The following LMTK3 variants were observed in gnomAD, a reference collection of about 807,000 sequenced individuals.
LMTK3 encodes lemur tail kinase 3.
Under a neutral mutation model 116.7 loss-of-function variants are expected in LMTK3, and 27 were observed. The observed-to-expected ratio is 0.23, with a 90% confidence interval of 0.17 to 0.32. The LOEUF is 0.32. Among genes scored for constraint, LMTK3 ranks in the 10% least tolerant of loss-of-function variants. The probability of loss-of-function intolerance (pLI) is 1.00; values close to 1 mark genes in which losing one functional copy is unlikely to be tolerated. For synonymous variants in LMTK3, 965 were observed against 971.0 expected (o/e 0.99, Z 0.11); for missense variants, 1,764 against 2,068.5 (o/e 0.85, Z 2.86).
intron 7 of LMTK3, among the ~76,000 whole-genome samples, chr19:48,501,924 T>C (rs990968739): frequency 7.2e-6 from 1 of 139,420 alleles, no homozygotes; most frequent in Non-Finnish European, 1.6e-5. Flanking sequence ...GTTCCTCTCC[T>C]GGACCCTCCT....
rs147881952 is a variant in LMTK3 at position 48,500,294 on chromosome 19, C to T, written c.1152-377G>A. ...AAAAAATTAGCCTAGCGTGGTGGCA[C>T]CTGCCTGTAATCCCAGCTACCTGGG... is the stretch of plus-strand genomic sequence containing the variant. On this transcript the variant is annotated intron_variant, in intron 10 of 14. Coordinates refer to ENST00000600059, the MANE Select transcript of LMTK3 (RefSeq NM_001388485.1). This position sits in a 1 kb window ranked among gnomAD's most constrained non-coding sequence, Gnocchi z 4.0. 7.3e-4 allele frequency among the ~76,000 whole-genome samples: 111 copies of T among 152,292 alleles called. No homozygotes were observed. The highest frequency in any genetic ancestry group is 2.4e-3 in the African/African-American group (101 of 41,560).
intron 5 of LMTK3, among the ~76,000 whole-genome samples, chr19:48,503,789 TTCTCTCTC>T (rs148406252): frequency 2.0e-5 from 3 of 149,502 alleles, no homozygotes; most frequent in South Asian, 2.1e-4. Flanking sequence ...ACCTACAGTT[TTCTCTCTC>T]TCTCTCTCTC....
Position 48,498,772 on chromosome 19 carries a change from G to C in LMTK3, c.2297C>G (p.Pro766Arg). The C allele has an allele frequency of 1.4e-6, 2 of 1,431,850 alleles. No homozygotes were observed. The highest frequency in any genetic ancestry group is 1.8e-6 in the Non-Finnish European group (2 of 1,093,812). 88.7% of individuals were successfully genotyped at this position (1,431,850 alleles called of 1,614,324 possible). A position where few individuals can be genotyped will look rare whatever the true frequency, so the allele number is the denominator to read the frequency against. ...PPPPPRAPAD[P>R]AASPDPPSAV... ...CGAAGGGGGGTCGGGGGACGCGGCCGGGTCCGCGGGGGCCCGAGGAGGTGG... is the reference window on the plus strand; with the variant it reads ...CGAAGGGGGGTCGGGGGACGCGGCCCGGTCCGCGGGGGCCCGAGGAGGTGG... The change falls in exon 11 of 15, where the codon CCG becomes CGG. Residue 766 changes from proline to arginine, a missense_variant. Physicochemically the swap from Pro to Arg is moderately radical, Grantham distance 103 (BLOSUM62 -2). Transcript: ENST00000600059.
rs765165688 is a variant in LMTK3 at position 48,510,093 on chromosome 19, C to T, written c.291G>A (p.Leu97=). Residue 97 remains leucine (L), a synonymous_variant, in exon 3 of 15, where the codon CTG becomes CTA. Transcript: ENST00000600059. ...PAEETSSSQS[L]PDVYILPLAE... ...CCAGCGGGAGAATGTAGACATCAGGCAGCGACTGTGAGGAGGAGGTCTCCT... is the reference window on the plus strand; with the variant it reads ...CCAGCGGGAGAATGTAGACATCAGGTAGCGACTGTGAGGAGGAGGTCTCCT... The T allele has an allele frequency of 3.8e-5, 62 of 1,613,968 alleles. No homozygotes were observed. Among genetic ancestry groups the T allele is most frequent in the Non-Finnish European group, 5.9e-6 (7 of 1,179,874 alleles).
In LMTK3 at chr19:48,503,010, A is replaced by G; in HGVS notation, c.558-14T>C. The G allele has an allele frequency of 6.3e-7, 1 of 1,587,526 alleles. No individual in the cohort carries two copies. The highest frequency in any genetic ancestry group is 8.6e-7 in the Non-Finnish European group (1 of 1,157,962). On this transcript the variant is annotated splice_polypyrimidine_tract_variant and intron_variant, in intron 5 of 14. Coordinates refer to ENST00000600059, the MANE Select transcript of LMTK3 (RefSeq NM_001388485.1). Reference sequence around the variant, plus strand: ...TGCTGCAGGCTCCTGTGGAGTGAGGAGGTGGCTGAGTTGGGAAGGCAGCCC... The same window carrying G: ...TGCTGCAGGCTCCTGTGGAGTGAGGGGGTGGCTGAGTTGGGAAGGCAGCCC...
Position 48,495,425 on chromosome 19 carries a change from T to A in LMTK3, c.3677-1316A>T, listed in dbSNP as rs371987097. Among the ~76,000 whole-genome samples the A allele has an allele frequency of 7.2e-5, 11 of 152,260 alleles. No homozygotes were observed. The East Asian group carries it at 1.7e-3, about 24-fold the overall frequency. ...ATTTGGGGTCTTGAAGGATGAGTAG[T>A]TCACTTGGGAAAAAGCGGGCCATTC... On this transcript the variant is annotated intron_variant, in intron 11 of 14. Transcript: ENST00000600059.
intron 5 of LMTK3, among the ~76,000 whole-genome samples, chr19:48,503,850 C>G (rs1049211358): frequency 1.3e-5 from 2 of 151,108 alleles, no homozygotes; most frequent in Admixed American, 1.3e-4. Flanking sequence ...TTCCTTCCTT[C>G]CTTCCTCCCT....
At position 48,501,936 on chromosome 19, in the gene LMTK3, C is replaced by G. The variant is rs1233511206; in HGVS notation, c.795-374G>C. On this transcript the variant is annotated intron_variant, in intron 7 of 14. Coordinates refer to ENST00000600059, the MANE Select transcript of LMTK3 (RefSeq NM_001388485.1). ...TCCGTTCCTCTCCTGGACCCTCCTC[C>G]TCTCCTGACTCCTCCCCCTCCCCTG... 2.1e-5 allele frequency among the ~76,000 whole-genome samples: 3 copies of G among 145,394 alleles called. No homozygotes were observed. In the East Asian group the frequency reaches 6.2e-4, roughly 30 times the overall value.
intron 9 of LMTK3, 29 bp from the exon 10 acceptor site, chr19:48,501,174 C>T: frequency 6.2e-7 from 1 of 1,606,256 alleles, no homozygotes. Flanking sequence ...GGTCAGAGCC[C>T]AGCCCTGACC....
chr19:48,503,530 C>T (rs1415971107), intron 5 of LMTK3, among the ~76,000 whole-genome samples: 2 of 152,042 alleles, frequency 1.3e-5, no homozygotes, highest in Admixed American at 6.6e-5. Flanking sequence ...TCATTCCTGC[C>T]CCAGACTCTT....
intron 9 of LMTK3, 25 bp downstream of exon 9, chr19:48,501,258 G>T: frequency 6.2e-7 from 1 of 1,611,268 alleles, no homozygotes; most frequent in Non-Finnish European, 8.5e-7. Context: ...GGCCTGCCTC[G>T]GCCCCCGCGG....
rs140970447 is a variant in LMTK3, at chr19:48,488,028, C to T, written c.4367-2239G>A. Among the ~76,000 whole-genome samples the T allele has an allele frequency of 1.2e-3, 177 of 152,272 alleles. 2 individuals carry two copies. The highest frequency in any genetic ancestry group is 4.1e-3 in the African/African-American group (170 of 41,550). On this transcript the variant is annotated intron_variant, in intron 14 of 14. Coordinates refer to ENST00000600059, the MANE Select transcript of LMTK3 (RefSeq NM_001388485.1). ...GACAGGCTCAGCAGCTCGCAGCCCACGCTGCCGCAGGAATATTTGTCAACT... is the reference window on the plus strand; with the variant it reads ...GACAGGCTCAGCAGCTCGCAGCCCATGCTGCCGCAGGAATATTTGTCAACT...
chr19:48,508,943 G>T lies in LMTK3; in HGVS notation c.465C>A (p.Asp155Glu), dbSNP rs763564080. 6.2e-7 allele frequency: 1 copy of T among 1,611,440 alleles called. No individual in the cohort carries two copies. Among genetic ancestry groups the T allele is most frequent in the Non-Finnish European group, 8.5e-7 (1 of 1,178,670 alleles). ...GKVILGEIFS[D>E]YTPAQVVVKE... ...TCACCACCACCTGGGCGGGGGTGTA[G>T]TCGGAGAAAATCTCTCCCAGGATCA... The change falls in exon 5 of 15, where the codon GAC (aspartate) becomes GAA (glutamate). Residue 155 changes from aspartate to glutamate, a missense_variant. By Grantham distance (45) the Asp-to-Glu change is conservative. Transcript: ENST00000600059.
chr19:48,502,679 C>A, intron 6 of LMTK3, 98 bp from the exon 7 acceptor site: 4 of 1,360,458 alleles, frequency 2.9e-6, no homozygotes, highest in Non-Finnish European at 4.0e-6. Flanking sequence ...CTGGGTAGCC[C>A]CTCTGAGCCT....
At chr19:48,492,401 G>A (rs1972242082) in intron 12 of LMTK3, among the ~76,000 whole-genome samples, 1 of 152,100 alleles carries the variant, frequency 6.6e-6, no homozygotes, top group Non-Finnish European at 1.5e-5. Flanking sequence ...TGGCTAGGCT[G>A]GTCTCGAACT....
chr19:48,498,963 G>T lies in LMTK3; in HGVS notation c.2106C>A (p.His702Gln). 7.5e-7 allele frequency: 1 copy of T among 1,328,386 alleles called. No homozygotes were observed. The highest frequency in any genetic ancestry group is 2.0e-5 in the South Asian group (1 of 49,210). The allele number at this position is 1,328,386 out of a possible 1,614,324, so 82.3% of individuals were successfully genotyped here. The change falls in exon 11 of 15, where the codon CAC becomes CAA. Residue 702 changes from histidine (H) to glutamine (Q), a missense_variant. His to Gln is a conservative substitution (Grantham distance 24). Transcript: ENST00000600059. ...GCAGCGAGGAGTCGTCCTCGGGGGG[G>T]TGGGGGCAGCCAAGAGCAGGGTGGC... ...WGGHPALGCP[H>Q]PPEDDSSLRA...
chr19:48,510,713 C>G, intron 1 of LMTK3, 121 bp from the exon 2 acceptor site: 3 of 1,222,362 alleles, frequency 2.5e-6, no homozygotes, highest in Non-Finnish European at 3.3e-6. Context: ...ACCAGGGTCC[C>G]TTGGCAGAGG....
chr19:48,509,942 C>A, intron 3 of LMTK3, 81 bp downstream of exon 3: 1 of 1,527,022 alleles, frequency 6.5e-7, no homozygotes, highest in South Asian at 1.2e-5. Context: ...TCAACCGCCC[C>A]AGCCCCTGAA....
chr19:48,497,508 T>G lies in LMTK3; in HGVS notation c.3561A>C (p.Gly1187=). The G allele has an allele frequency of 6.9e-7, 1 of 1,444,128 alleles. No individual in the cohort carries two copies. The highest frequency in any genetic ancestry group is 9.1e-7 in the Non-Finnish European group (1 of 1,098,244). The allele number at this position is 1,444,128 out of a possible 1,614,324, so 89.5% of individuals were successfully genotyped here. A position where few individuals can be genotyped will look rare whatever the true frequency, so the allele number is the denominator to read the frequency against. Residue 1187 remains glycine, a synonymous_variant, in exon 11 of 15, where the codon GGA becomes GGC. Coordinates refer to ENST00000600059, the MANE Select transcript of LMTK3 (RefSeq NM_001388485.1). This position sits in a 1 kb window ranked among gnomAD's most constrained non-coding sequence, Gnocchi z 5.7. ...CCCCGTCTCCGCTGAGTGCCGTGTC[T>G]CCGCCGGCCCTGCTGTCTGGGGCCC... ...EPGAPDSRAG[G]DTALSGDGDP...
Sources: gnomAD v4.1 joint callset for allele counts (sites outside exome capture counted in the v4.1 genomes callset) on GRCh38, gnomAD v4.1.1 for gene constraint, Gnocchi (gnomAD v3.1) non-coding constraint, MANE v1.5 for transcripts, NCBI Gene and HGNC (gene_info 2026-07-23, HGNC 2026-07-21) for gene names.